The following SRPRA variants were observed in gnomAD, a reference collection of about 807,000 sequenced individuals.
SRPRA encodes the protein signal recognition particle receptor subunit alpha.
SRPRA carries 30 observed loss-of-function variants against 61.1 expected under a neutral mutation model. That is an observed-to-expected ratio of 0.49 (90% CI 0.37 to 0.67). SRPRA has a LOEUF of 0.67. Among genes scored for constraint, SRPRA ranks in the 30% least tolerant of loss-of-function variants. The pLI, the probability that SRPRA is intolerant of heterozygous loss-of-function variation, is 0.00. For missense variants in SRPRA, 759 were observed against 828.4 expected (o/e 0.92, Z 1.03); for synonymous variants, 324 against 299.7 (o/e 1.08, Z -0.84).
Position 126,265,095 on chromosome 11 carries a change from C to T in SRPRA, c.1389G>A (p.Glu463=), listed in dbSNP as rs1950780078. ...ACDTFRAGAV[E]QLRTHTRRLS... ...AACGCCGGGTGTGTGTACGCAGCTG[C>T]TCCACGGCCCCAGCACGAAATGTAT... Residue 463 remains glutamate, a synonymous_variant, in exon 11 of 14, where the codon GAG becomes GAA. Coordinates refer to ENST00000332118, the MANE Select transcript of SRPRA (RefSeq NM_003139.4). This position sits in a 1 kb window ranked among gnomAD's most constrained non-coding sequence, Gnocchi z 6.3. 6.2e-7 allele frequency: 1 copy of T among 1,614,168 alleles called. No homozygotes were observed. Among genetic ancestry groups the T allele is most frequent in the Non-Finnish European group, 8.5e-7 (1 of 1,180,042 alleles).
chr11:126,260,782 C>T (rs1370536958), downstream of SRPRA: 1 of 152,168 alleles, frequency 6.6e-6, no homozygotes. Flanking sequence ...CTATTTTCTT[C>T]CATGTGTTCA....
chr11:126,261,277 C>T (rs1335306198), downstream of SRPRA: 39 of 637,932 alleles, frequency 6.1e-5, no homozygotes, highest in Non-Finnish European at 9.9e-5. Flanking sequence ...TCCTCTCTGC[C>T]TCCTTATCTT....
the SRPRA span, chr11:126,254,430 C>A: frequency 4.8e-5 from 77 of 1,614,014 alleles, no homozygotes; most frequent in Non-Finnish European, 6.4e-5. Flanking sequence ...ACACTGAAGT[C>A]ATGGTGAGTG....
At position 126,263,995 on chromosome 11, in the gene SRPRA, AAGACGATGGGT is replaced by A; in HGVS notation, c.1827_1837del (p.Lys609AsnfsTer10). ...ACAGTAGGTCTGGCCGGTGCCCACA[AAGACGATGGGT>A]TTGCTTGTGATGTACGTCATAGAAA... is the stretch of plus-strand genomic sequence containing the variant. On this transcript the variant is annotated frameshift_variant, in exon 14 of 14. Transcript: ENST00000332118. LOFTEE classifies it high-confidence loss of function. 1 of 1,614,186 alleles carries A rather than the reference AAGACGATGGGT, an allele frequency of 6.2e-7. No homozygotes were observed. The highest frequency in any genetic ancestry group is 8.5e-7 in the Non-Finnish European group (1 of 1,180,026).
the SRPRA span, among the ~76,000 whole-genome samples, chr11:126,249,804 C>T: frequency 8.7e-5 from 13 of 150,050 alleles, no homozygotes; most frequent in East Asian, 3.9e-4. Flanking sequence ...GTCTCAGTGG[C>T]GTTTCCCTAC....
At chr11:126,247,877 A>C in the SRPRA span, among the ~76,000 whole-genome samples, 3 of 145,732 alleles carry the variant, frequency 2.1e-5, no homozygotes, top group Non-Finnish European at 3.0e-5. Flanking sequence ...ATATATATAT[A>C]TATCTATATA....
the SRPRA span, among the ~76,000 whole-genome samples, chr11:126,252,692 G>A: frequency 3.9e-5 from 6 of 151,962 alleles, no homozygotes; most frequent in Non-Finnish European, 8.8e-5. This position sits in a 1 kb window ranked among gnomAD's most constrained non-coding sequence, Gnocchi z 4.7. Context: ...ACAGTGAGTT[G>A]TGATCACACT....
downstream of SRPRA, among the ~76,000 whole-genome samples, chr11:126,258,177 C>G (rs796142418): frequency 1.3e-5 from 2 of 152,262 alleles, no homozygotes; most frequent in African/African-American, 4.8e-5. Flanking sequence ...GGGAGGATCA[C>G]TTGAGGCCAG....
downstream of SRPRA, among the ~76,000 whole-genome samples, chr11:126,258,135 C>T (rs1565341461): frequency 1.3e-5 from 2 of 152,152 alleles, no homozygotes; most frequent in Admixed American, 6.6e-5. Context: ...GGTAATTTGT[C>T]CTGTAATCCC....
the SRPRA span, among the ~76,000 whole-genome samples, chr11:126,250,916 T>C: frequency 6.6e-6 from 1 of 152,226 alleles, no homozygotes; most frequent in South Asian, 2.1e-4. This position sits in a 1 kb window ranked among gnomAD's most constrained non-coding sequence, Gnocchi z 5.1. Flanking sequence ...TACAGTAAAA[T>C]GCATAGAACT....
In SRPRA at chr11:126,265,395, T is replaced by G; in HGVS notation, c.1184A>C (p.Gln395Pro). ...TACACGACGCTGTGGCTGCAGAATC[T>G]GCACCAGGGACTCCTGTAGGGCTTG... ...VKQALQESLV[Q>P]ILQPQRRVDM... Residue 395 changes from glutamine (Q) to proline (P), a missense_variant, in exon 10 of 14, where the codon CAG becomes CCG. By Grantham distance (76) the Gln-to-Pro change is moderately conservative. Transcript: ENST00000332118. The surrounding 1 kb of genome is among the most constrained non-coding windows in gnomAD (Gnocchi z 6.3). The G allele has an allele frequency of 6.2e-7, 1 of 1,614,014 alleles. No homozygotes were observed. The highest frequency in any genetic ancestry group is 8.5e-7 in the Non-Finnish European group (1 of 1,180,026).
chr11:126,249,731 C>CAAAAAA, the SRPRA span, among the ~76,000 whole-genome samples: 233 of 78,372 alleles, frequency 3.0e-3, 2 homozygotes, highest in Middle Eastern at 0.018. Context: ...GACTCCGTCT[C>CAAAAAA]AAAAAAAAAA....
At chr11:126,256,689 A>G in the SRPRA span, 1 of 1,614,244 alleles carries the variant, frequency 6.2e-7, no homozygotes, top group East Asian at 2.2e-5. This position sits in a 1 kb window ranked among gnomAD's most constrained non-coding sequence, Gnocchi z 6.6. Flanking sequence ...CTGACCTAGA[A>G]CATTTCATGC....
chr11:126,264,897 CAA>C lies in SRPRA; in HGVS notation c.1525+60_1525+61del. On this transcript the variant is annotated intron_variant, in intron 11 of 13. Transcript: ENST00000332118. This position sits in a 1 kb window ranked among gnomAD's most constrained non-coding sequence, Gnocchi z 5.0. ...CACAAGCCTGATCTTCTGCAAATTC[CAA>C]GAGAACCCAAGGAGAAAAAGGGACC... 6.7e-7 allele frequency: 1 copy of C among 1,492,130 alleles called. No homozygotes were observed. The highest frequency in any genetic ancestry group is 9.1e-7 in the Non-Finnish European group (1 of 1,103,804). The allele number at this position is 1,492,130 out of a possible 1,614,324, so 92.4% of individuals were successfully genotyped here.
chr11:126,266,386 C>T, intron 6 of SRPRA, 90 bp downstream of exon 6: 6 of 1,587,786 alleles, frequency 3.8e-6, no homozygotes, highest in Non-Finnish European at 4.3e-6. Context: ...GTATAACTTA[C>T]CCCTCATTCA....
downstream of SRPRA, among the ~76,000 whole-genome samples, chr11:126,259,609 T>C (rs1950642517): frequency 6.6e-6 from 1 of 151,416 alleles, no homozygotes; most frequent in Non-Finnish European, 1.5e-5. Flanking sequence ...GTATTTTTAG[T>C]AGAGATGGGG....
At chr11:126,260,729 G>A (rs1410388735), downstream of SRPRA, 4 of 152,116 alleles carry the variant, frequency 2.6e-5, no homozygotes, top group Non-Finnish European at 5.9e-5. Context: ...GTATATTTGA[G>A]TACCATGCCT....
the SRPRA span, among the ~76,000 whole-genome samples, chr11:126,236,543 G>A: frequency 5.3e-5 from 8 of 152,060 alleles, no homozygotes; most frequent in Non-Finnish European, 1.2e-4. Context: ...TCAGTAACCT[G>A]AAATTTCACA....
Position 126,267,197 on chromosome 11 carries a change from T to C in SRPRA, c.504A>G (p.Lys168=). 1 of 1,614,092 alleles carries C rather than the reference T, an allele frequency of 6.2e-7. No individual in the cohort carries two copies. Among genetic ancestry groups the C allele is most frequent in the Non-Finnish European group, 8.5e-7 (1 of 1,180,022 alleles). ...TGCCTTCCTTCTTGGCCCCCTTTTT[T>C]TTGCTATTCTTTGCTTTTTCCTTGG... ...EKPKEKAKNS[K]KKGAKKEGSD... Residue 168 remains lysine (K), a synonymous_variant, in exon 4 of 14, where the codon AAA becomes AAG. Coordinates refer to ENST00000332118, the MANE Select transcript of SRPRA (RefSeq NM_003139.4). This position sits in a 1 kb window ranked among gnomAD's most constrained non-coding sequence, Gnocchi z 4.2.
Sources: allele counts gnomAD v4.1 joint callset (sites outside exome capture counted in the v4.1 genomes callset), GRCh38; gene constraint gnomAD v4.1.1; non-coding constraint Gnocchi (gnomAD v3.1); transcripts MANE v1.5; gene names NCBI Gene and HGNC (gene_info 2026-07-23, HGNC 2026-07-21).